PTK2: variants seen among roughly 807,000 people sequenced by gnomAD.
The protein encoded by PTK2 is protein tyrosine kinase 2, also known as focal adhesion kinase 1.
A neutral mutation model predicts 150.1 loss-of-function variants in PTK2; 45 were observed. The observed-to-expected ratio is 0.30, with a 90% CI of 0.24 to 0.38. The LOEUF (loss-of-function observed/expected upper bound fraction) is 0.38, where lower values mean the gene tolerates loss of function less well. PTK2 is among the 10% of genes least tolerant of loss of function. The pLI, the probability that PTK2 is intolerant of heterozygous loss-of-function variation, is 1.00. For missense variants in PTK2, 919 were observed against 1,307.3 expected (o/e 0.70, Z 4.58); for synonymous variants, 432 against 449.2 (o/e 0.96, Z 0.48).
intron 2 of PTK2, among the ~76,000 whole-genome samples, chr8:140,905,476 A>C (rs1444820139): frequency 6.6e-6 from 1 of 152,206 alleles, no homozygotes; most frequent in Non-Finnish European, 1.5e-5. Flanking sequence ...AGAAGAGCTA[A>C]CTATCTTAAA....
chr8:140,686,761 A>G, intron 26 of PTK2, 67 bp from the exon 30 acceptor site: 1 of 1,333,938 alleles, frequency 7.5e-7, no homozygotes, highest in Non-Finnish European at 1.1e-6. Flanking sequence ...CAGATTCTGT[A>G]TTAAATTCCT....
chr8:140,907,133 C>T (rs1254744162), intron 2 of PTK2, among the ~76,000 whole-genome samples: 2 of 152,074 alleles, frequency 1.3e-5, no homozygotes, highest in Admixed American at 6.5e-5. Flanking sequence ...CTGGTCCTAG[C>T]GAAAAAATTT....
intron 8 of PTK2, among the ~76,000 whole-genome samples, chr8:140,830,131 C>A (rs1454110145): frequency 1.3e-5 from 2 of 152,030 alleles, no homozygotes; most frequent in Non-Finnish European, 2.9e-5. Context: ...ATTCCACCAC[C>A]ACGATTATTT....
At chr8:140,803,137 C>T (rs528410915) in intron 11 of PTK2, among the ~76,000 whole-genome samples, 3 of 150,266 alleles carry the variant, frequency 2.0e-5, no homozygotes, top group East Asian at 2.0e-4. Context: ...GCCTCAGCCT[C>T]GCAAGTAGCT....
rs1167809264 is a variant in PTK2, at chr8:140,711,522, GTA to G, written c.2143-5319_2143-5318del. 8.5e-5 allele frequency among the ~76,000 whole-genome samples: 13 copies of G among 152,312 alleles called. No homozygotes were observed. In the East Asian group the frequency reaches 2.5e-3, roughly 29 times the overall value. On this transcript the variant is annotated intron_variant, in intron 23 of 31. Coordinates refer to ENST00000522684, the Ensembl canonical transcript of PTK2. ...CTGCTTTATATATTTTGTATAGTTT[GTA>G]TAGATATTTTGTATAGTTTATGAGG...
intron 5 of PTK2, among the ~76,000 whole-genome samples, chr8:140,848,510 T>C (rs894697884): frequency 3.9e-5 from 6 of 152,186 alleles, no homozygotes; most frequent in Non-Finnish European, 7.3e-5. Context: ...ATAAATGTTA[T>C]TTTCCATATA....
rs10283164 is a variant in PTK2, at chr8:140,661,530, C to T, written c.2947-1852G>A. Among the ~76,000 whole-genome samples, 14 of 152,042 alleles carry T rather than the reference C, an allele frequency of 9.2e-5. No individual in the cohort carries two copies. The East Asian group carries it at 1.7e-3, about 19-fold the overall frequency. ...GACAGTTGGAGATCAGAGCTCAGGG[C>T]GGGGTTCTATAAAATCAACACAGAT... On this transcript the variant is annotated intron_variant, in intron 31 of 31. Transcript: ENST00000522684.
exon 32 of PTK2, chr8:140,659,385 A>G: frequency 7.8e-7 from 1 of 1,288,528 alleles, no homozygotes; most frequent in Non-Finnish European, 1.1e-6. Context: ...GACTGAGGAC[A>G]CAGGGTTAAT....
intron 8 of PTK2, among the ~76,000 whole-genome samples, chr8:140,819,262 T>C (rs548664260): frequency 2.0e-4 from 30 of 152,352 alleles, no homozygotes; most frequent in Non-Finnish European, 3.7e-4. Context: ...AAAGTTCATA[T>C]ATAGAGTTTT....
chr8:140,700,078 A>C (rs573181917), intron 26 of PTK2, among the ~76,000 whole-genome samples: 1 of 152,354 alleles, frequency 6.6e-6, no homozygotes, highest in South Asian at 2.1e-4. Flanking sequence ...CTGCAGAAAC[A>C]CTAGTGGTTT....
At chr8:140,686,250 T>C (rs1036155331) in intron 27 of PTK2, among the ~76,000 whole-genome samples, 2 of 151,648 alleles carry the variant, frequency 1.3e-5, no homozygotes, top group Non-Finnish European at 2.9e-5. Flanking sequence ...GGGTGGAGGG[T>C]GGGAGGAGGG....
chr8:140,935,616 T>C (rs1191411329), intron 1 of PTK2, among the ~76,000 whole-genome samples: 4 of 152,168 alleles, frequency 2.6e-5, no homozygotes, highest in African/African-American at 9.7e-5. Flanking sequence ...CTATCTGAGA[T>C]TCACTCTGTT....
chr8:140,840,213 C>T (rs913818617), intron 7 of PTK2, among the ~76,000 whole-genome samples: 3 of 152,182 alleles, frequency 2.0e-5, no homozygotes, highest in African/African-American at 4.8e-5. Context: ...TGCGTGCCAC[C>T]GCGCCTGGCT....
intron 1 of PTK2, among the ~76,000 whole-genome samples, chr8:141,000,194 GC>G (rs1400914340): frequency 6.6e-6 from 1 of 151,648 alleles, no homozygotes; most frequent in Non-Finnish European, 1.5e-5. Context: ...GCAAACAGTT[GC>G]GCCTAAGCCA....
intron 14 of PTK2, among the ~76,000 whole-genome samples, chr8:140,782,097 C>T (rs765982066): frequency 5.8e-4 from 88 of 152,262 alleles, no homozygotes; most frequent in African/African-American, 2.0e-3. Flanking sequence ...GAATAATTTC[C>T]AGTGAGCCAG....
At chr8:140,698,924 ATTTTTTT>A (rs10713722) in intron 26 of PTK2, among the ~76,000 whole-genome samples, 4 of 96,202 alleles carry the variant, frequency 4.2e-5, no homozygotes, top group African/African-American at 1.6e-4. Context: ...TAATTTTTGT[ATTTTTTT>A]TTTTTTTTTT....
At chr8:140,662,552 C>T (rs2082068530) in intron 31 of PTK2, 1 of 402,102 alleles carries the variant, frequency 2.5e-6, no homozygotes, top group Admixed American at 4.4e-5. Context: ...GAGAGAACCC[C>T]ATTTGGTTGG....
intron 31 of PTK2, among the ~76,000 whole-genome samples, chr8:140,664,615 C>T (rs2087037877): frequency 6.6e-6 from 1 of 152,220 alleles, no homozygotes; most frequent in African/African-American, 2.4e-5. Context: ...TCCTCATCCA[C>T]TGCTCAGAGC....
intron 10 of PTK2, among the ~76,000 whole-genome samples, chr8:140,805,466 G>A (rs1343000766): frequency 6.6e-6 from 1 of 151,772 alleles, no homozygotes; most frequent in Non-Finnish European, 1.5e-5. Flanking sequence ...GGCTGAGGCA[G>A]GAGAATCACT....
Sources: gnomAD v4.1 joint callset for allele counts (sites outside exome capture counted in the v4.1 genomes callset) on GRCh38, gnomAD v4.1.1 for gene constraint, MANE v1.5 for transcripts, NCBI Gene and HGNC (gene_info 2026-07-23, HGNC 2026-07-21) for gene names.